The following PRH1 variants were observed in gnomAD, a reference collection of about 807,000 sequenced individuals.
PRH1 encodes proline rich protein HaeIII subfamily 1.
PRH1 carries 7 observed loss-of-function variants against 7.9 expected under a neutral mutation model. That is an observed-to-expected ratio of 0.89 (90% CI 0.50 to 1.67). The LOEUF is 1.67. Ranked by LOEUF, PRH1 falls within the 40% of genes most tolerant of loss-of-function variation. The pLI, the probability that PRH1 is intolerant of heterozygous loss-of-function variation, is 0.00. For missense variants in PRH1, 109 were observed against 223.6 expected (o/e 0.49, Z 3.27); for synonymous variants, 45 against 80.8 (o/e 0.56, Z 2.38).
chr12:10,913,697 T>C (rs1412130028), intron 2 of PRH1, among the ~76,000 whole-genome samples: 1 of 152,226 alleles, frequency 6.6e-6, no homozygotes, highest in Admixed American at 6.5e-5. Flanking sequence ...CTTGAAGTTG[T>C]ATATTATGTA....
intron 1 of PRH1, among the ~76,000 whole-genome samples, chr12:11,168,626 G>C (rs1284931516): frequency 6.6e-6 from 1 of 152,070 alleles, no homozygotes; most frequent in Non-Finnish European, 1.5e-5. Context: ...CTCTTCCCAA[G>C]AATCAGAATC....
intron 1 of PRH1, chr12:11,077,939 G>C: frequency 1.1e-6 from 1 of 942,640 alleles, no homozygotes; most frequent in South Asian, 1.3e-5. Flanking sequence ...AATATGCTGA[G>C]GCTAGCAGCA....
At chr12:11,029,210 C>CA (rs1324845118) in intron 1 of PRH1, among the ~76,000 whole-genome samples, 1 of 152,238 alleles carries the variant, frequency 6.6e-6, no homozygotes. Flanking sequence ...TTAATACAGT[C>CA]AAGTAGAATT....
chr12:10,907,048 C>T (rs1024112402), intron 2 of PRH1, among the ~76,000 whole-genome samples: 5 of 152,172 alleles, frequency 3.3e-5, no homozygotes, highest in African/African-American at 9.7e-5. Flanking sequence ...GATGCCATTA[C>T]ATTCTGACTA....
upstream of PRH1, among the ~76,000 whole-genome samples, chr12:10,887,943 TA>T (rs926273250): frequency 6.6e-6 from 1 of 152,170 alleles, no homozygotes; most frequent in African/African-American, 2.4e-5. Context: ...AGGCTAACAC[TA>T]AATTACAGGA....
At chr12:11,168,908 C>T (rs896228149) in intron 1 of PRH1, among the ~76,000 whole-genome samples, 1 of 152,174 alleles carries the variant, frequency 6.6e-6, no homozygotes, top group Non-Finnish European at 1.5e-5. Context: ...TTGTGAACCA[C>T]CCCCACCTCC....
chr12:11,022,560 A>G (rs1482025048), intron 1 of PRH1: 1 of 1,604,236 alleles, frequency 6.2e-7, no homozygotes, highest in Non-Finnish European at 8.5e-7. Flanking sequence ...TGATGAGCAG[A>G]AAACACATCA....
intron 1 of PRH1, among the ~76,000 whole-genome samples, chr12:11,128,768 A>G (rs1182000446): frequency 6.7e-6 from 1 of 149,150 alleles, no homozygotes; most frequent in Non-Finnish European, 1.5e-5. Context: ...AAAGGAGATG[A>G]TAATAAAACT....
intron 2 of PRH1, among the ~76,000 whole-genome samples, chr12:10,909,807 C>T (rs930258653): frequency 2.0e-5 from 3 of 152,260 alleles, no homozygotes; most frequent in East Asian, 1.9e-4. Flanking sequence ...CAAAGACTTA[C>T]CTATGCTATT....
At chr12:11,133,142 C>CACAA in intron 1 of PRH1, 2 of 965,852 alleles carry the variant, frequency 2.1e-6, no homozygotes, top group Non-Finnish European at 2.9e-6. Flanking sequence ...CACACACACA[C>CACAA]ATCTATATAT....
intron 1 of PRH1, among the ~76,000 whole-genome samples, chr12:11,107,031 G>C (rs1488476255): frequency 6.6e-6 from 1 of 152,088 alleles, no homozygotes; most frequent in Non-Finnish European, 1.5e-5. Context: ...GAGCGAGAAA[G>C]ACAGGGTCTT....
intron 2 of PRH1, 92 bp downstream of exon 2, chr12:10,882,968 AC>A: frequency 7.2e-6 from 11 of 1,531,458 alleles, no homozygotes; most frequent in Non-Finnish European, 9.0e-6. Context: ...CCAATTCCTG[AC>A]AAGAAAATGG....
chr12:11,133,587 T>C, intron 1 of PRH1: 1 of 1,614,272 alleles, frequency 6.2e-7, no homozygotes, highest in Non-Finnish European at 8.5e-7. Context: ...ACCTTGGTGC[T>C]GGGATCTTGA....
chr12:10,956,192 T>G lies in PRH1; in HGVS notation c.-59+17463A>C, dbSNP rs538956371. 7.9e-5 allele frequency among the ~76,000 whole-genome samples: 12 copies of G among 152,206 alleles called. No individual in the cohort carries two copies. In the South Asian group the frequency reaches 2.5e-3, roughly 32 times the overall value. On this transcript the variant is annotated intron_variant, in intron 2 of 3. Transcript: ENST00000539853. ...AACACTCCACAAAATGCCAGCAAGT[T>G]GAATCCAGCAGCACATCAAAAAGCT...
At chr12:11,100,959 A>T (rs574405451) in intron 1 of PRH1, among the ~76,000 whole-genome samples, 1 of 152,320 alleles carries the variant, frequency 6.6e-6, no homozygotes, top group East Asian at 1.9e-4. Context: ...TCATTTAGAG[A>T]CACATTTTTA....
At position 11,135,169 on chromosome 12, in the gene PRH1, A is replaced by T. The variant is rs184072085; in HGVS notation, n.40-13989T>A. On this transcript the variant is annotated intron_variant and non_coding_transcript_variant, in intron 1 of 1. Coordinates refer to the PRH1 transcript ENST00000541175. Reference sequence around the variant, plus strand: ...TTCAGCAATTTTATAAGTATTCCTGAGTACCAGACCCTTTGATATATAATC... The same window carrying T: ...TTCAGCAATTTTATAAGTATTCCTGTGTACCAGACCCTTTGATATATAATC... Among the ~76,000 whole-genome samples, 179 of 152,284 alleles carry T rather than the reference A, an allele frequency of 1.2e-3. 2 individuals carry two copies. The highest frequency in any genetic ancestry group is 1.4e-3 in the Admixed American group (21 of 15,264).
At chr12:10,984,422 T>C (rs1183973063) in intron 1 of PRH1, among the ~76,000 whole-genome samples, 1 of 151,682 alleles carries the variant, frequency 6.6e-6, no homozygotes, top group African/African-American at 2.4e-5. Flanking sequence ...TTTATGCAAC[T>C]TTGGATTTTG....
At chr12:11,165,289 T>G (rs534733787) in intron 1 of PRH1, among the ~76,000 whole-genome samples, 3 of 151,380 alleles carry the variant, frequency 2.0e-5, no homozygotes, top group African/African-American at 7.3e-5. Context: ...TCTTCCCAAT[T>G]TTTTCCTCCA....
At chr12:11,009,936 G>C (rs183878298) in intron 1 of PRH1, among the ~76,000 whole-genome samples, 78 of 152,068 alleles carry the variant, frequency 5.1e-4, no homozygotes, top group African/African-American at 1.7e-3. Flanking sequence ...AAGCGAGATA[G>C]AGAAGATGTG....
Sources: allele counts gnomAD v4.1 joint callset (sites outside exome capture counted in the v4.1 genomes callset), GRCh38; gene constraint gnomAD v4.1.1; transcripts MANE v1.5; gene names NCBI Gene and HGNC (gene_info 2026-07-23, HGNC 2026-07-21).